The following CCDC3 variants were observed in gnomAD, a reference collection of about 807,000 sequenced individuals.
CCDC3 encodes coiled-coil domain-containing protein 3.
CCDC3 carries 24 observed loss-of-function variants against 21.4 expected under a neutral mutation model. That is an observed-to-expected ratio of 1.12 (90% CI 0.81 to 1.58). The LOEUF is 1.58. Ranked by LOEUF, CCDC3 falls within the 40% of genes most tolerant of loss-of-function variation. The pLI is 0.00. For missense variants in CCDC3, 425 were observed against 360.9 expected (o/e 1.18, Z -1.44); for synonymous variants, 186 against 166.0 (o/e 1.12, Z -0.93).
chr10:13,009,157 A>C (rs554194305), intron 5 of CCDC3, among the ~76,000 whole-genome samples: 2 of 152,232 alleles, frequency 1.3e-5, no homozygotes, highest in African/African-American at 4.8e-5. Flanking sequence ...TTTTAAAAAT[A>C]ATACCATTCA....
At chr10:13,047,922 T>A (rs1035638411) in intron 5 of CCDC3, among the ~76,000 whole-genome samples, 2 of 152,056 alleles carry the variant, frequency 1.3e-5, no homozygotes, top group African/African-American at 4.8e-5. Context: ...CAAAGACGAT[T>A]TTGAGGGCTT....
intron 3 of CCDC3, among the ~76,000 whole-genome samples, chr10:13,095,886 C>T (rs1832623669): frequency 6.6e-6 from 1 of 152,134 alleles, no homozygotes; most frequent in African/African-American, 2.4e-5. Context: ...TTTCCATCAT[C>T]CCCCAAAAAT....
intron 3 of CCDC3, among the ~76,000 whole-genome samples, chr10:13,098,137 C>G (rs1048956843): frequency 6.6e-6 from 1 of 151,942 alleles, no homozygotes; most frequent in Non-Finnish European, 1.5e-5. Context: ...CCCCCCACCC[C>G]GACCCCACCA....
chr10:13,033,415 C>A lies in CCDC3; in HGVS notation c.-2+16259G>T, dbSNP rs896282395. Among the ~76,000 whole-genome samples, 9 of 152,346 alleles carry A rather than the reference C, an allele frequency of 5.9e-5. No individual in the cohort carries two copies. The East Asian group carries it at 7.7e-4, about 13-fold the overall frequency. ...AGAAGAAAACCTAGGCAATACCATT[C>A]AGGACATAGGCATGGGCGAGGACTT... On this transcript the variant is annotated intron_variant, in intron 5 of 6. Transcript: ENST00000378839.
intron 4 of CCDC3, among the ~76,000 whole-genome samples, chr10:13,065,662 C>T (rs536718938): frequency 5.1e-4 from 77 of 152,286 alleles, no homozygotes; most frequent in African/African-American, 1.8e-3. Flanking sequence ...TGTCCTACCC[C>T]CTCCACAGAA....
chr10:13,031,351 T>C (rs1327411901), intron 5 of CCDC3, among the ~76,000 whole-genome samples: 1 of 151,766 alleles, frequency 6.6e-6, no homozygotes, highest in Non-Finnish European at 1.5e-5. Context: ...AAGCAGTGTG[T>C]AGAGGGAAAT....
At chr10:13,066,864 GT>G (rs1207153560) in intron 4 of CCDC3, among the ~76,000 whole-genome samples, 1 of 152,056 alleles carries the variant, frequency 6.6e-6, no homozygotes, top group Non-Finnish European at 1.5e-5. Flanking sequence ...ACTTTGCTGA[GT>G]TTTTTTGTTT....
chr10:13,025,970 C>T (rs1221264361), intron 5 of CCDC3, among the ~76,000 whole-genome samples: 2 of 152,120 alleles, frequency 1.3e-5, no homozygotes, highest in Admixed American at 1.3e-4. Context: ...CACTTGAGGC[C>T]AGGAGTTCAA....
chr10:13,059,109 G>A (rs185254307), intron 4 of CCDC3, among the ~76,000 whole-genome samples: 6 of 152,270 alleles, frequency 3.9e-5, no homozygotes, highest in African/African-American at 9.6e-5. Flanking sequence ...CTCCCATACC[G>A]TAGACTTATT....
chr10:13,050,002 C>A (rs1243977068), intron 4 of CCDC3: 5 of 152,160 alleles, frequency 3.3e-5, no homozygotes, highest in African/African-American at 9.7e-5. Flanking sequence ...TGATCCAAAC[C>A]CACAATGTGA....
At chr10:13,019,077 C>CA (rs879428224) in intron 5 of CCDC3, among the ~76,000 whole-genome samples, 3 of 151,220 alleles carry the variant, frequency 2.0e-5, no homozygotes, top group Admixed American at 6.6e-5. Context: ...ACTAAAAATA[C>CA]AAAAAAATTA....
chr10:12,938,815 T>C (rs1288442615), intron 2 of CCDC3, among the ~76,000 whole-genome samples: 4 of 152,172 alleles, frequency 2.6e-5, no homozygotes, highest in Non-Finnish European at 4.4e-5. Flanking sequence ...TCCTTCCCTA[T>C]CCAGCCACAC....
At chr10:12,920,774 A>G (rs1209300797) in intron 2 of CCDC3, among the ~76,000 whole-genome samples, 1 of 152,218 alleles carries the variant, frequency 6.6e-6, no homozygotes, top group Non-Finnish European at 1.5e-5. Flanking sequence ...AGCTCAGAGC[A>G]CTGACGTCAC....
intron 2 of CCDC3, among the ~76,000 whole-genome samples, chr10:12,913,620 G>A (rs1834304005): frequency 6.6e-6 from 1 of 152,204 alleles, no homozygotes; most frequent in Non-Finnish European, 1.5e-5. Flanking sequence ...GTACTATGTT[G>A]AATAGAAGTG....
At chr10:12,983,719 G>A (rs751831369) in intron 2 of CCDC3, among the ~76,000 whole-genome samples, 8 of 151,206 alleles carry the variant, frequency 5.3e-5, no homozygotes, top group African/African-American at 1.9e-4. Flanking sequence ...CAAAGAGGCC[G>A]GACAGATGGT....
At chr10:12,910,272 G>A (rs973837480) in intron 2 of CCDC3, among the ~76,000 whole-genome samples, 7 of 152,132 alleles carry the variant, frequency 4.6e-5, no homozygotes, top group Non-Finnish European at 8.8e-5. Context: ...TGGTTGTGCC[G>A]CTTGCTGGCT....
intron 2 of CCDC3, among the ~76,000 whole-genome samples, chr10:12,965,185 T>C (rs1487189796): frequency 6.6e-6 from 1 of 152,096 alleles, no homozygotes; most frequent in East Asian, 1.9e-4. Flanking sequence ...ACATCCCCCC[T>C]CCCTGCTTTC....
intron 5 of CCDC3, among the ~76,000 whole-genome samples, chr10:13,025,300 A>G (rs896097264): frequency 2.6e-5 from 4 of 152,360 alleles, no homozygotes; most frequent in Admixed American, 2.0e-4. Context: ...TGGTTCCAAG[A>G]AAAAGCATTC....
intron 4 of CCDC3, among the ~76,000 whole-genome samples, chr10:13,070,259 G>A (rs1187082022): frequency 6.6e-6 from 1 of 152,116 alleles, no homozygotes; most frequent in Non-Finnish European, 1.5e-5. Flanking sequence ...TCTCTGCCTG[G>A]CTTCTCCAGA....
Sources: gnomAD v4.1 joint callset for allele counts (sites outside exome capture counted in the v4.1 genomes callset) on GRCh38, gnomAD v4.1.1 for gene constraint, MANE v1.5 for transcripts, NCBI Gene and HGNC (gene_info 2026-07-23, HGNC 2026-07-21) for gene names.